ADCY9: variants seen among roughly 807,000 people sequenced by gnomAD.
The protein encoded by ADCY9 is adenylate cyclase 9.
ADCY9 carries 50 observed loss-of-function variants against 101.5 expected under a neutral mutation model. The ratio of observed to expected loss-of-function variants is 0.49; its 90% confidence interval spans 0.39 to 0.62. The LOEUF is 0.62. Among genes scored for constraint, ADCY9 ranks in the 20% least tolerant of loss-of-function variants. ADCY9 has a pLI of 0.00. For missense variants in ADCY9, 1,662 were observed against 1,800.4 expected (o/e 0.92, Z 1.39); for synonymous variants, 905 against 769.3 (o/e 1.18, Z -2.92).
chr16:4,023,623 T>G lies in ADCY9; in HGVS notation c.1694-16065A>C, dbSNP rs2056493506. ...CAGGCCCTGGGAGCCATTAAGAGGT[T>G]TCTGCCTGGCCAGGTGCAGTGATTC... On this transcript the variant is annotated intron_variant, in intron 2 of 10. Coordinates refer to ENST00000294016, the MANE Select transcript of ADCY9 (RefSeq NM_001116.4). Among the ~76,000 whole-genome samples the G allele has an allele frequency of 2.0e-5, 3 of 152,248 alleles. No individual in the cohort carries two copies. The South Asian group carries it at 6.2e-4, about 32-fold the overall frequency.
intron 2 of ADCY9, among the ~76,000 whole-genome samples, chr16:4,057,471 T>A (rs946404683): frequency 6.6e-6 from 1 of 152,112 alleles, no homozygotes; most frequent in African/African-American, 2.4e-5. Context: ...GACACCATCA[T>A]CCTGGCTTAT....
At chr16:4,005,202 G>A (rs1446501233) in intron 3 of ADCY9, among the ~76,000 whole-genome samples, 2 of 152,098 alleles carry the variant, frequency 1.3e-5, no homozygotes, top group Non-Finnish European at 2.9e-5. Context: ...CAAGCTTCCC[G>A]AATTTACTTT....
At chr16:4,075,644 A>T (rs545204466) in intron 2 of ADCY9, among the ~76,000 whole-genome samples, 1 of 152,302 alleles carries the variant, frequency 6.6e-6, no homozygotes, top group South Asian at 2.1e-4. Context: ...ATGTTGCAAA[A>T]TGTGTCCTGG....
intron 2 of ADCY9, among the ~76,000 whole-genome samples, chr16:4,015,311 C>T (rs781339337): frequency 3.9e-5 from 6 of 152,054 alleles, no homozygotes; most frequent in Non-Finnish European, 8.8e-5. Flanking sequence ...AGAATGCTAA[C>T]ATAGGGAGAG....
intron 2 of ADCY9, among the ~76,000 whole-genome samples, chr16:4,091,099 A>G (rs2056970775): frequency 6.6e-6 from 1 of 151,164 alleles, no homozygotes; most frequent in Admixed American, 6.6e-5. Context: ...TTTGAGACAG[A>G]GTCTCACTCT....
chr16:3,972,226 TTTC>T (rs1457178805), intron 10 of ADCY9, among the ~76,000 whole-genome samples: 1 of 130,522 alleles, frequency 7.7e-6, no homozygotes, highest in African/African-American at 2.6e-5. Context: ...AGAATTTCTT[TTTC>T]TTTTCTTTTT....
intron 2 of ADCY9, among the ~76,000 whole-genome samples, chr16:4,075,040 GGT>G (rs2056858403): frequency 6.6e-6 from 1 of 152,138 alleles, no homozygotes; most frequent in Non-Finnish European, 1.5e-5. Flanking sequence ...AGCCAGCTAT[GGT>G]GGTGCATGCC....
At chr16:3,997,997 G>C (rs1219624701) in intron 3 of ADCY9, among the ~76,000 whole-genome samples, 2 of 152,122 alleles carry the variant, frequency 1.3e-5, no homozygotes, top group Non-Finnish European at 2.9e-5. Context: ...GGGAGACTGA[G>C]GCAGGAGAGT....
chr16:3,967,676 A>G (rs571072127), intron 10 of ADCY9, among the ~76,000 whole-genome samples: 53 of 149,236 alleles, frequency 3.6e-4, no homozygotes, highest in Non-Finnish European at 6.8e-4. Context: ...TACAGGCTTG[A>G]ACTGTGCTTG....
intron 5 of ADCY9, among the ~76,000 whole-genome samples, chr16:3,954,065 T>A (rs1597124811): frequency 6.6e-6 from 1 of 152,146 alleles, no homozygotes; most frequent in East Asian, 1.9e-4. Flanking sequence ...AGGCTCTGAT[T>A]TTTCCACTTG....
At chr16:4,085,190 T>A (rs1220592236) in intron 2 of ADCY9, among the ~76,000 whole-genome samples, 1 of 152,088 alleles carries the variant, frequency 6.6e-6, no homozygotes, top group East Asian at 1.9e-4. Flanking sequence ...GGCCAAACCC[T>A]GTCTCTACTA....
At chr16:4,094,618 C>T (rs959208131) in intron 2 of ADCY9, among the ~76,000 whole-genome samples, 5 of 151,744 alleles carry the variant, frequency 3.3e-5, no homozygotes, top group African/African-American at 1.2e-4. Flanking sequence ...ACAGCAAGAC[C>T]CCCATCTCTA....
chr16:3,985,953 T>C (rs572338452), intron 6 of ADCY9, among the ~76,000 whole-genome samples: 1 of 131,060 alleles, frequency 7.6e-6, no homozygotes, highest in East Asian at 2.2e-4. Context: ...CCCCACATCA[T>C]GACACTCTTT....
intron 2 of ADCY9, among the ~76,000 whole-genome samples, chr16:4,040,491 C>T (rs1348444210): frequency 1.3e-5 from 2 of 148,166 alleles, no homozygotes; most frequent in Non-Finnish European, 3.0e-5. Flanking sequence ...GAGTCTCGCT[C>T]TGTCACCCAA....
At position 3,966,228 on chromosome 16, in the gene ADCY9, C is replaced by G; in HGVS notation, c.3609G>C (p.Glu1203Asp). ...TCTCTTCGCTCACCTGGATGCGGCA[C>G]TCCACGCCGGTGGTGTCCATCCTGC... ...IASRMDTTGV[E>D]CRIQVSEESY... Residue 1203 changes from glutamate to aspartate, a missense_variant, in exon 11 of 11, where the codon GAG (glutamate) becomes GAC (aspartate). This residue lies in a region of ADCY9 where 220 missense variants were observed against 312.9 expected (regional missense o/e 0.70). Coordinates refer to ENST00000294016, the MANE Select transcript of ADCY9 (RefSeq NM_001116.4). 1 of 1,614,248 alleles carries G rather than the reference C, an allele frequency of 6.2e-7. No individual in the cohort carries two copies. The highest frequency in any genetic ancestry group is 8.5e-7 in the Non-Finnish European group (1 of 1,180,054).
chr16:3,969,113 C>T (rs112292562), intron 10 of ADCY9, among the ~76,000 whole-genome samples: 2,622 of 152,258 alleles, frequency 0.017, 80 homozygotes, highest in African/African-American at 0.06. Flanking sequence ...CGTGAGCCAC[C>T]GCGCCCAGTC....
At chr16:3,996,515 T>C (rs1226812527) in intron 3 of ADCY9, among the ~76,000 whole-genome samples, 1 of 152,116 alleles carries the variant, frequency 6.6e-6, no homozygotes, top group Non-Finnish European at 1.5e-5. Flanking sequence ...CTGGTGTGGC[T>C]AAGGTGGGGG....
chr16:4,078,298 A>G (rs1444361314), intron 2 of ADCY9, among the ~76,000 whole-genome samples: 2 of 152,228 alleles, frequency 1.3e-5, no homozygotes, highest in Admixed American at 6.5e-5. Flanking sequence ...ACAATGGTTC[A>G]TGCTTGTTAT....
chr16:3,974,440 T>C (rs1305989984), intron 10 of ADCY9, among the ~76,000 whole-genome samples: 1 of 152,274 alleles, frequency 6.6e-6, no homozygotes, highest in East Asian at 1.9e-4. Flanking sequence ...TACATAAAAT[T>C]ACATGACTGT....
Sources: allele counts gnomAD v4.1 joint callset (sites outside exome capture counted in the v4.1 genomes callset), GRCh38; gene constraint gnomAD v4.1.1; regional missense constraint gnomAD v4.1.1; transcripts MANE v1.5; gene names NCBI Gene and HGNC (gene_info 2026-07-23, HGNC 2026-07-21).